OSBPL6: variants seen among roughly 807,000 people sequenced by gnomAD.
OSBPL6 encodes the protein oxysterol binding protein like 6.
OSBPL6 carries 49 observed loss-of-function variants against 125.8 expected under a neutral mutation model. The observed-to-expected ratio is 0.39, with a 90% CI of 0.31 to 0.49. The LOEUF is 0.49. Ranked by LOEUF, OSBPL6 falls within the 20% of genes least tolerant of loss-of-function variation. The probability of loss-of-function intolerance (pLI) is 0.88; values close to 1 mark genes in which losing one functional copy is unlikely to be tolerated. For missense variants in OSBPL6, 986 were observed against 1,135.4 expected (o/e 0.87, Z 1.89); for synonymous variants, 394 against 391.8 (o/e 1.01, Z -0.07).
intron 1 of OSBPL6, among the ~76,000 whole-genome samples, chr2:178,248,241 G>A (rs1357103350): frequency 2.0e-5 from 3 of 152,158 alleles, no homozygotes; most frequent in Non-Finnish European, 2.9e-5. Context: ...TACTTATAGC[G>A]GAGGGACAAT....
At chr2:178,254,810 C>T (rs2091827004) in intron 1 of OSBPL6, among the ~76,000 whole-genome samples, 1 of 152,208 alleles carries the variant, frequency 6.6e-6, no homozygotes, top group Admixed American at 6.5e-5. Flanking sequence ...ACTGCTCACT[C>T]ACTGGTGCTT....
At chr2:178,321,643 C>T (rs901982218) in intron 3 of OSBPL6, among the ~76,000 whole-genome samples, 1 of 152,146 alleles carries the variant, frequency 6.6e-6, no homozygotes, top group African/African-American at 2.4e-5. Context: ...CTGGAGGTTA[C>T]ATGGAATAGC....
intron 1 of OSBPL6, among the ~76,000 whole-genome samples, chr2:178,252,370 T>G (rs191761479): frequency 6.6e-6 from 1 of 152,166 alleles, no homozygotes; most frequent in East Asian, 1.9e-4. Context: ...AAAGCAGCGG[T>G]AGACAAAATG....
chr2:178,323,856 C>G (rs565319370), intron 3 of OSBPL6: 81 of 168,992 alleles, frequency 4.8e-4, no homozygotes, highest in South Asian at 1.1e-3. Flanking sequence ...CCTGATTAGT[C>G]TAAGTAGAAG....
chr2:178,398,409 T>A lies in OSBPL6; in HGVS notation c.*2850T>A, dbSNP rs1462510404. The A allele has an allele frequency of 6.6e-6, 1 of 152,242 alleles. No homozygotes were observed. The highest frequency in any genetic ancestry group is 1.5e-5 in the Non-Finnish European group (1 of 68,056). 9.4% of individuals were successfully genotyped at this position (152,242 alleles called of 1,614,324 possible). The stretch of plus-strand genomic sequence containing the variant: ...TGAGGAGAGCAGTAATAAGTGACGA[T>A]GATTCTGAGGACTTGGCTAGACTGA... On this transcript the variant is annotated 3_prime_UTR_variant, in exon 25 of 25. Transcript: ENST00000190611.
chr2:178,368,794 A>T (rs1470221276), intron 13 of OSBPL6, among the ~76,000 whole-genome samples: 2 of 135,912 alleles, frequency 1.5e-5, no homozygotes, highest in South Asian at 2.6e-4. Flanking sequence ...TCATCTTAAT[A>T]AAAAAAATCC....
intron 15 of OSBPL6, among the ~76,000 whole-genome samples, chr2:178,381,063 A>C (rs1694430732): frequency 6.6e-6 from 1 of 152,114 alleles, no homozygotes; most frequent in South Asian, 2.1e-4. Flanking sequence ...TTACAATAAG[A>C]ATGTTTTATA....
rs574227735 is a variant in OSBPL6, at chr2:178,344,829, A to G, written c.988-4395A>G. Among the ~76,000 whole-genome samples the G allele has an allele frequency of 5.9e-5, 9 of 152,316 alleles. No individual in the cohort carries two copies. The South Asian group carries it at 6.2e-4, about 11-fold the overall frequency. ...AATAAAGAAATGAGAGGGTAAGAAA[A>G]GGTGAATTTTGCTGTCATCTCTAAA... On this transcript the variant is annotated intron_variant, in intron 11 of 24. Coordinates refer to ENST00000190611, the MANE Select transcript of OSBPL6 (RefSeq NM_032523.4).
At chr2:178,340,808 C>T (rs1690125851) in intron 11 of OSBPL6, among the ~76,000 whole-genome samples, 3 of 152,098 alleles carry the variant, frequency 2.0e-5, no homozygotes, top group South Asian at 4.1e-4. Context: ...CTTCATATTA[C>T]GATTCTGACT....
intron 1 of OSBPL6, among the ~76,000 whole-genome samples, chr2:178,201,843 C>A (rs1483069876): frequency 6.6e-6 from 1 of 152,160 alleles, no homozygotes; most frequent in Non-Finnish European, 1.5e-5. Context: ...GAGAAGTGTG[C>A]CTGACAGTGT....
intron 1 of OSBPL6, among the ~76,000 whole-genome samples, chr2:178,230,786 A>C (rs539154795): frequency 5.3e-5 from 8 of 152,330 alleles, no homozygotes; most frequent in Admixed American, 4.6e-4. Context: ...GTGGTTTTGC[A>C]GTCTGCCTTT....
At chr2:178,288,806 G>A (rs1044727161) in intron 2 of OSBPL6, among the ~76,000 whole-genome samples, 6 of 151,586 alleles carry the variant, frequency 4.0e-5, no homozygotes, top group South Asian at 2.1e-4. Context: ...CCGCCACCAC[G>A]CCCAGCTAAT....
At chr2:178,297,232 T>G (rs1685838631) in intron 2 of OSBPL6, among the ~76,000 whole-genome samples, 1 of 152,130 alleles carries the variant, frequency 6.6e-6, no homozygotes, top group African/African-American at 2.4e-5. Context: ...AGCTCACTAT[T>G]GAACAGATAG....
intron 23 of OSBPL6, 43 bp from the exon 24 acceptor site, chr2:178,394,270 A>T: frequency 1.3e-6 from 2 of 1,590,506 alleles, no homozygotes; most frequent in Admixed American, 3.9e-5. Context: ...TTTCCCCCAG[A>T]AAAGAGGATA....
intron 1 of OSBPL6, among the ~76,000 whole-genome samples, chr2:178,242,191 G>T (rs182617301): frequency 6.6e-6 from 1 of 152,322 alleles, no homozygotes; most frequent in East Asian, 1.9e-4. Context: ...TCAGAAAAAA[G>T]AAAAGGAAAC....
rs1390303669 is a variant in OSBPL6, at chr2:178,270,317, C to G, written c.-350-14610C>G. On this transcript the variant is annotated intron_variant, in intron 1 of 24. Transcript: ENST00000190611. ...AATGATTTGAATCTGGAAATATGTG[C>G]AATGTGACTTTTGGGCAAAGCTGCT... is the stretch of plus-strand genomic sequence containing the variant. 6.6e-5 allele frequency among the ~76,000 whole-genome samples: 10 copies of G among 152,286 alleles called. No homozygotes were observed. In the East Asian group the frequency reaches 1.9e-3, roughly 29 times the overall value.
In OSBPL6 at chr2:178,320,235, GT is replaced by G; in HGVS notation, c.103-3940del. On this transcript the variant is annotated intron_variant, in intron 3 of 24. Transcript: ENST00000190611. ...ACCAAGTAAACTAGACTACAGTCAT[GT>G]TGGCACATTTCCACTTGCTGCTCAG... The G allele has an allele frequency of 3.1e-6, 5 of 1,592,886 alleles. No homozygotes were observed. The South Asian group carries it at 5.6e-5, about 18-fold the overall frequency.
intron 2 of OSBPL6, among the ~76,000 whole-genome samples, chr2:178,298,745 C>CT (rs1277302947): frequency 1.7e-4 from 25 of 148,228 alleles, no homozygotes; most frequent in Non-Finnish European, 3.0e-4. Flanking sequence ...ACAGGACCTA[C>CT]ATCATTTTCT....
intron 2 of OSBPL6, among the ~76,000 whole-genome samples, chr2:178,292,798 C>T (rs986113965): frequency 4.6e-5 from 7 of 151,948 alleles, no homozygotes; most frequent in African/African-American, 2.4e-5. Flanking sequence ...ATAAATACTG[C>T]GTGAGATAAG....
Sources: allele counts gnomAD v4.1 joint callset (sites outside exome capture counted in the v4.1 genomes callset), GRCh38; gene constraint gnomAD v4.1.1; transcripts MANE v1.5; gene names NCBI Gene and HGNC (gene_info 2026-07-23, HGNC 2026-07-21).